Variants in SNX29 observed in about 807,000 individuals in gnomAD.
SNX29 encodes the protein sorting nexin-29.
A neutral mutation model predicts 102.1 loss-of-function variants in SNX29; 78 were observed. The observed-to-expected ratio is 0.76, with a 90% CI of 0.64 to 0.92. SNX29 has a LOEUF of 0.92. SNX29 is among the 40% of genes least tolerant of loss of function. The pLI, the probability that SNX29 is intolerant of heterozygous loss-of-function variation, is 0.00. For missense variants in SNX29, 1,280 were observed against 1,061.7 expected (o/e 1.21, Z -2.86); for synonymous variants, 580 against 414.5 (o/e 1.40, Z -4.85).
chr16:12,035,136 C>T (rs1312798672), intron 4 of SNX29, among the ~76,000 whole-genome samples: 3 of 151,906 alleles, frequency 2.0e-5, no homozygotes, highest in Non-Finnish European at 4.4e-5. Context: ...GACTCTTCAG[C>T]TCATGATGGC....
chr16:12,140,689 C>T (rs574564851), intron 13 of SNX29, among the ~76,000 whole-genome samples: 45 of 152,256 alleles, frequency 3.0e-4, no homozygotes, highest in Non-Finnish European at 5.4e-4. Context: ...TGGGTGAAAT[C>T]TGGGCTCAGC....
intron 19 of SNX29, among the ~76,000 whole-genome samples, chr16:12,511,245 T>C (rs2089605266): frequency 6.6e-6 from 1 of 152,214 alleles, no homozygotes; most frequent in South Asian, 2.1e-4. Flanking sequence ...TGCATGGGTC[T>C]TAAGAGGCAG....
At chr16:12,521,345 A>G (rs2090092147) in intron 19 of SNX29, among the ~76,000 whole-genome samples, 1 of 151,946 alleles carries the variant, frequency 6.6e-6, no homozygotes, top group Non-Finnish European at 1.5e-5. Flanking sequence ...GGAAGCAGCT[A>G]TTGTGAGGAG....
intron 20 of SNX29, among the ~76,000 whole-genome samples, chr16:12,541,613 C>T (rs1597843947): frequency 6.6e-6 from 1 of 152,288 alleles, no homozygotes; most frequent in African/African-American, 2.4e-5. Context: ...CTCTGGGCCA[C>T]ATCTCTGTCG....
At chr16:12,537,324 GCT>G (rs1206583860) in intron 20 of SNX29, among the ~76,000 whole-genome samples, 1 of 152,214 alleles carries the variant, frequency 6.6e-6, no homozygotes, top group Non-Finnish European at 1.5e-5. Flanking sequence ...CTAAGCCAAA[GCT>G]CTGTTAGTAA....
chr16:12,530,552 T>A (rs79337052), intron 20 of SNX29, among the ~76,000 whole-genome samples: 1 of 148,828 alleles, frequency 6.7e-6, no homozygotes, highest in Non-Finnish European at 1.5e-5. Context: ...TTTTTTTTTT[T>A]TGTTTTTTGT....
At position 12,550,275 on chromosome 16, in the gene SNX29, ACC is replaced by A. The variant is rs1378302584; in HGVS notation, c.2319-18230_2319-18229del. On this transcript the variant is annotated intron_variant, in intron 20 of 20. Transcript: ENST00000566228. ...ATATGGGCCAGACACAGAGGCTTAT[ACC>A]TGTAATCCCAGTACTGTGGGAGGCC... is the stretch of plus-strand genomic sequence containing the variant. Among the ~76,000 whole-genome samples, 218 of 152,286 alleles carry A rather than the reference ACC, an allele frequency of 1.4e-3. 1 individual carries two copies. The highest frequency in any genetic ancestry group is 5.2e-3 in the African/African-American group (215 of 41,548).
chr16:12,362,978 G>C (rs2082350864), intron 16 of SNX29, among the ~76,000 whole-genome samples: 1 of 152,094 alleles, frequency 6.6e-6, no homozygotes, highest in Admixed American at 6.5e-5. Context: ...TGCCATGCCA[G>C]CCCATCTCTC....
At chr16:12,563,231 C>G (rs1417470811) in intron 20 of SNX29, among the ~76,000 whole-genome samples, 1 of 152,066 alleles carries the variant, frequency 6.6e-6, no homozygotes, top group Non-Finnish European at 1.5e-5. Context: ...CTGAAAGTGG[C>G]CTCCCCATCA....
rs150522928 is a variant in SNX29 at position 12,090,208 on chromosome 16, G to C, written c.1402+11293G>C. On this transcript the variant is annotated intron_variant, in intron 11 of 20. Coordinates refer to ENST00000566228, the MANE Select transcript of SNX29 (RefSeq NM_032167.5). ...TTTGTGAAATGAGGACATTCTCACC[G>C]GCGTCTCAGGGGTGTTCTGAGGTCC... The C allele has an allele frequency of 2.4e-3, 359 of 152,682 alleles. 2 individuals are homozygous for C. Among genetic ancestry groups the C allele is most frequent in the African/African-American group, 8.3e-3 (343 of 41,570 alleles). 9.5% of individuals were successfully genotyped at this position (152,682 alleles called of 1,614,324 possible).
intron 12 of SNX29, among the ~76,000 whole-genome samples, chr16:12,128,526 C>G (rs986832486): frequency 2.1e-5 from 3 of 142,032 alleles, no homozygotes; most frequent in Non-Finnish European, 4.6e-5. Context: ...GATCTCGGCT[C>G]ACTGCAACCT....
At chr16:12,164,679 C>CT (rs1375337947) in intron 13 of SNX29, among the ~76,000 whole-genome samples, 11 of 120,508 alleles carry the variant, frequency 9.1e-5, no homozygotes, top group African/African-American at 3.2e-4. Context: ...TTTATTCATG[C>CT]CTTTTTTTTT....
At chr16:12,161,722 C>T (rs775558059) in intron 13 of SNX29, among the ~76,000 whole-genome samples, 16 of 152,124 alleles carry the variant, frequency 1.1e-4, no homozygotes, top group Non-Finnish European at 2.1e-4. Context: ...TTAGTTAATG[C>T]CAGAACTGGT....
At chr16:12,224,725 T>C (rs2077566028) in intron 14 of SNX29, among the ~76,000 whole-genome samples, 1 of 152,224 alleles carries the variant, frequency 6.6e-6, no homozygotes, top group Non-Finnish European at 1.5e-5. Context: ...TTTGTTTTTT[T>C]GTTTGGATAG....
In SNX29 at chr16:12,516,684, A is replaced by G. The variant is rs1277236361; in HGVS notation, c.2179-8018A>G. ...AGACAAGACCTTTTTATTTTACAAA[A>G]TACCTTGATGTTCCTTGATGAAAAG... On this transcript the variant is annotated intron_variant, in intron 19 of 20. Coordinates refer to ENST00000566228, the MANE Select transcript of SNX29 (RefSeq NM_032167.5). 1.3e-5 allele frequency among the ~76,000 whole-genome samples: 2 copies of G among 152,152 alleles called. 1 individual carries two copies. Among genetic ancestry groups the G allele is most frequent in the Non-Finnish European group, 2.9e-5 (2 of 68,034 alleles).
At chr16:12,048,958 G>C (rs1288416281) in intron 7 of SNX29, among the ~76,000 whole-genome samples, 1 of 152,186 alleles carries the variant, frequency 6.6e-6, no homozygotes, top group Non-Finnish European at 1.5e-5. Flanking sequence ...GCGGTGAGCC[G>C]AATAGGAAAG....
At chr16:12,472,188 C>A (rs1184282884) in intron 18 of SNX29, among the ~76,000 whole-genome samples, 1 of 152,000 alleles carries the variant, frequency 6.6e-6, no homozygotes, top group African/African-American at 2.4e-5. Context: ...GAAACTAGAC[C>A]CAGAGGAGCA....
intron 13 of SNX29, among the ~76,000 whole-genome samples, chr16:12,150,874 C>T (rs1195966487): frequency 3.3e-5 from 5 of 152,102 alleles, no homozygotes; most frequent in African/African-American, 9.7e-5. Flanking sequence ...CAGACAGAAG[C>T]GCTCAGATGG....
intron 5 of SNX29, among the ~76,000 whole-genome samples, chr16:12,045,870 C>T (rs534048609): frequency 6.6e-6 from 1 of 152,090 alleles, no homozygotes; most frequent in East Asian, 1.9e-4. Context: ...AGTGATCCTC[C>T]CCCCTGGCCT....
Sources: gnomAD v4.1 joint callset for allele counts (sites outside exome capture counted in the v4.1 genomes callset) on GRCh38, gnomAD v4.1.1 for gene constraint, MANE v1.5 for transcripts, NCBI Gene and HGNC (gene_info 2026-07-23, HGNC 2026-07-21) for gene names.